CASKIN1: variants seen among roughly 807,000 people sequenced by gnomAD.
CASKIN1 encodes CASK interacting protein 1, also known as caskin-1.
In CASKIN1, 42 loss-of-function variants were observed where a neutral mutation model predicts 117.5. That is an observed-to-expected ratio of 0.36 (90% CI 0.28 to 0.46). The LOEUF (loss-of-function observed/expected upper bound fraction) is 0.46. Among genes scored for constraint, CASKIN1 ranks in the 20% least tolerant of loss-of-function variants. The pLI is 1.00. For missense variants in CASKIN1, 2,083 were observed against 2,077.3 expected (o/e 1.00, Z -0.05); for synonymous variants, 1,148 against 961.7 (o/e 1.19, Z -3.59).
chr16:2,194,018 C>T (rs1189495276), intron 1 of CASKIN1, among the ~76,000 whole-genome samples: 1 of 152,076 alleles, frequency 6.6e-6, no homozygotes, highest in Non-Finnish European at 1.5e-5. Context: ...CCACGAGGTC[C>T]CTAAGCCCTG....
chr16:2,180,270 G>C lies in CASKIN1; in HGVS notation c.3098C>G (p.Ala1033Gly). The change falls in exon 18 of 20, where the codon GCC becomes GGC. Residue 1033 changes from alanine (A) to glycine (G), a missense_variant. Transcript: ENST00000343516. ...PPEGHPTPRP[A>G]SPEPGRVATV... is the part of the protein sequence containing the mutation. ...GGCCACCCGGCCCGGCTCTGGGCTGGCAGGGCGGGGAGTGGGGTGGCCCTC... is the reference window on the plus strand; with the variant it reads ...GGCCACCCGGCCCGGCTCTGGGCTGCCAGGGCGGGGAGTGGGGTGGCCCTC... 6.4e-7 allele frequency: 1 copy of C among 1,562,146 alleles called. No individual in the cohort carries two copies. The highest frequency in any genetic ancestry group is 8.7e-7 in the Non-Finnish European group (1 of 1,155,750).
rs893490490 is a variant in CASKIN1, at chr16:2,182,051, G to A, written c.1630-122C>T. 115 of 1,391,934 alleles carry A rather than the reference G, an allele frequency of 8.3e-5. No homozygotes were observed. The East Asian group carries it at 8.4e-4, about 10-fold the overall frequency. The allele number at this position is 1,391,934 out of a possible 1,614,324, so 86.2% of individuals were successfully genotyped here. A position where few individuals can be genotyped will look rare whatever the true frequency, so the allele number is the denominator to read the frequency against. Reference sequence around the variant, plus strand: ...GGCACAGACAGACAGGAGGACAAACGGATAGGCCGAGGTATTGGCACCAGA... The same window carrying A: ...GGCACAGACAGACAGGAGGACAAACAGATAGGCCGAGGTATTGGCACCAGA... On this transcript the variant is annotated intron_variant, in intron 16 of 19. Transcript: ENST00000343516. This position sits in a 1 kb window ranked among gnomAD's most constrained non-coding sequence, Gnocchi z 4.1.
At chr16:2,181,711 C>T in intron 17 of CASKIN1, 80 bp downstream of exon 17, 1 of 902,258 alleles carries the variant, frequency 1.1e-6, no homozygotes, top group Non-Finnish European at 1.4e-6. Flanking sequence ...TGGGGCGGGG[C>T]TGGGGCTGGG....
chr16:2,188,751 C>A (rs902034511), intron 6 of CASKIN1: 1 of 425,142 alleles, frequency 2.4e-6, no homozygotes, highest in Non-Finnish European at 4.2e-6. Context: ...CCCCACTTTA[C>A]GGATGGGAAA....
chr16:2,192,913 C>T (rs55932224), intron 1 of CASKIN1, among the ~76,000 whole-genome samples: 9,718 of 152,326 alleles, frequency 0.064, 416 homozygotes, highest in Non-Finnish European at 0.084. Flanking sequence ...TCATCCCCCA[C>T]ACTCTGCCTG....
In CASKIN1 at chr16:2,182,779, C is replaced by A. The variant is rs891176513; in HGVS notation, c.1630-850G>T. Among the ~76,000 whole-genome samples the A allele has an allele frequency of 6.6e-6, 1 of 151,952 alleles. No homozygotes were observed. The highest frequency in any genetic ancestry group is 2.4e-5 in the African/African-American group (1 of 41,182). ...CAGGCCCGGAACCCATCCCACTGCA[C>A]AGGCACCTCCCTGTTGTTTTGCTTT... On this transcript the variant is annotated intron_variant, in intron 16 of 19. Coordinates refer to ENST00000343516, the MANE Select transcript of CASKIN1 (RefSeq NM_020764.4). The surrounding 1 kb of genome is among the most constrained non-coding windows in gnomAD (Gnocchi z 4.1).
Position 2,181,456 on chromosome 16 carries a change from C to T in CASKIN1, c.1912G>A (p.Glu638Lys), listed in dbSNP as rs780908631. The T allele has an allele frequency of 3.7e-6, 6 of 1,611,974 alleles. 1 individual carries two copies. In the South Asian group the frequency reaches 4.4e-5, roughly 12 times the overall value. ...VMAIESPPPP[E>K]PTPADCQSPK... Reference sequence around the variant, plus strand: ...GACTGGCAGTCGGCCGGTGTGGGCTCAGGCGGGGGCGGCGACTCGATGGCC... The same window carrying T: ...GACTGGCAGTCGGCCGGTGTGGGCTTAGGCGGGGGCGGCGACTCGATGGCC... Residue 638 changes from glutamate to lysine, a missense_variant, in exon 18 of 20, where the codon GAG becomes AAG. This residue lies in a region of CASKIN1 where 1,818 missense variants were observed against 1,688.9 expected (regional missense o/e 1.08). Transcript: ENST00000343516.
At chr16:2,185,913 G>A (rs375420505) in intron 10 of CASKIN1, among the ~76,000 whole-genome samples, 26 of 152,216 alleles carry the variant, frequency 1.7e-4, no homozygotes, top group Non-Finnish European at 3.1e-4. Context: ...CCCAGCTCTT[G>A]CCTGCCTCAG....
intron 19 of CASKIN1, 84 bp downstream of exon 19, chr16:2,178,816 CTG>C (rs2093154917): frequency 7.5e-7 from 1 of 1,331,234 alleles, no homozygotes; most frequent in African/African-American, 1.7e-5. Context: ...CCGCCCATCT[CTG>C]CCGAGCCCCG....
At chr16:2,194,971 C>G (rs1224156080) in intron 1 of CASKIN1, among the ~76,000 whole-genome samples, 1 of 152,240 alleles carries the variant, frequency 6.6e-6, no homozygotes, top group African/African-American at 2.4e-5. Flanking sequence ...GCTGACATCC[C>G]ATCCTACAGA....
chr16:2,186,493 G>A (rs1262100097), intron 10 of CASKIN1, among the ~76,000 whole-genome samples: 3 of 152,154 alleles, frequency 2.0e-5, no homozygotes, highest in Non-Finnish European at 2.9e-5. Context: ...AACCAGACAT[G>A]GCAGCACACA....
Position 2,177,552 on chromosome 16 carries a change from C to T in CASKIN1, c.*998G>A, listed in dbSNP as rs2093143777. 8.5e-6 allele frequency: 2 copies of T among 234,656 alleles called. No homozygotes were observed. The highest frequency in any genetic ancestry group is 5.6e-5 in the Admixed American group (1 of 17,994). The allele number at this position is 234,656 out of a possible 1,614,324, so 14.5% of individuals were successfully genotyped here. On this transcript the variant is annotated 3_prime_UTR_variant, in exon 20 of 20. Coordinates refer to ENST00000343516, the MANE Select transcript of CASKIN1 (RefSeq NM_020764.4). ...AAAAGGGAGGGCGAGAATGACCACA[C>T]AACACAGCCTTGGACCATGAGCAGA...
In CASKIN1 at chr16:2,189,471, T is replaced by C. The variant is rs1405681475; in HGVS notation, c.338A>G (p.Asp113Gly). 6.2e-7 allele frequency: 1 copy of C among 1,612,162 alleles called. No individual in the cohort carries two copies. Among genetic ancestry groups the C allele is most frequent in the Admixed American group, 1.7e-5 (1 of 59,992 alleles). Residue 113 changes from aspartate (D) to glycine (G), a missense_variant, in exon 4 of 20, where the codon GAT (aspartate) becomes GGT (glycine). Transcript: ENST00000343516. ...KAGSAVNIPSDEGHIPLHLAA... is the reference protein window; with the variant it reads ...KAGSAVNIPSGEGHIPLHLAA... ...CAGGTGCAGGGGGATGTGGCCCTCA[T>C]CAGACGGGATGTTCACGGCCGAGCC...
At position 2,185,425 on chromosome 16, in the gene CASKIN1, GCCT is replaced by G. The variant is rs1034027405; in HGVS notation, c.1049-20_1049-18del. ...CTCGGGAACCTGTGGGTCAAGCAAA[GCCT>G]CCTAAGTCCTGGGCCAGCGATGGCG... On this transcript the variant is annotated intron_variant, in intron 10 of 19. Coordinates refer to ENST00000343516, the MANE Select transcript of CASKIN1 (RefSeq NM_020764.4). 1.9e-6 allele frequency: 3 copies of G among 1,586,236 alleles called. No homozygotes were observed. The African/African-American group carries it at 4.0e-5, about 21-fold the overall frequency.
rs1343564751 is a variant in CASKIN1 at position 2,181,540 on chromosome 16, A to T, written c.1828T>A (p.Tyr610Asn). The T allele has an allele frequency of 6.3e-7, 1 of 1,598,498 alleles. No homozygotes were observed. Among genetic ancestry groups the T allele is most frequent in the Non-Finnish European group, 8.5e-7 (1 of 1,174,374 alleles). ...AGGGGGCCCCCCTCATACTTGGCGTATTCAGCCTTCTGCAGCTCTGCCAGC... is the reference window on the plus strand; with the variant it reads ...AGGGGGCCCCCCTCATACTTGGCGTTTTCAGCCTTCTGCAGCTCTGCCAGC... ...RKLAELQKAE[Y>N]AKYEGGPLRR... The change falls in exon 18 of 20, where the codon TAC (tyrosine) becomes AAC (asparagine). Residue 610 changes from tyrosine (Y) to asparagine (N), a missense_variant. Physicochemically the swap from Tyr to Asn is moderately radical, Grantham distance 143 (BLOSUM62 -2). Transcript: ENST00000343516.
chr16:2,180,378 C>T lies in CASKIN1; in HGVS notation c.2990G>A (p.Ser997Asn), dbSNP rs1182480735. 8.8e-6 allele frequency: 14 copies of T among 1,591,644 alleles called. No homozygotes were observed. The highest frequency in any genetic ancestry group is 1.2e-5 in the Non-Finnish European group (14 of 1,175,786). Residue 997 changes from serine (S) to asparagine (N), a missense_variant, in exon 18 of 20, where the codon AGT becomes AAT. Coordinates refer to ENST00000343516, the MANE Select transcript of CASKIN1 (RefSeq NM_020764.4). ...SDLAGSVDTG[S>N]AGSVKSIAAM... ...CGCGATGCTCTTCACACTGCCGGCA[C>T]TACCCGTGTCCACGCTGCCGGCCAG...
Position 2,182,326 on chromosome 16 carries a change from C to T in CASKIN1, c.1630-397G>A, listed in dbSNP as rs1275844224. Among the ~76,000 whole-genome samples, 1 of 152,124 alleles carries T rather than the reference C, an allele frequency of 6.6e-6. No individual in the cohort carries two copies. The highest frequency in any genetic ancestry group is 1.5e-5 in the Non-Finnish European group (1 of 68,030). On this transcript the variant is annotated intron_variant, in intron 16 of 19. Transcript: ENST00000343516. This position sits in a 1 kb window ranked among gnomAD's most constrained non-coding sequence, Gnocchi z 4.1. Reference sequence around the variant, plus strand: ...ATGATTTGCACGCTGCGCTCCCAGCCGTGCACAGGCACCAGCACCCCATCC... The same window carrying T: ...ATGATTTGCACGCTGCGCTCCCAGCTGTGCACAGGCACCAGCACCCCATCC...
At chr16:2,191,627 G>C (rs561838683) in intron 1 of CASKIN1, among the ~76,000 whole-genome samples, 2 of 152,348 alleles carry the variant, frequency 1.3e-5, no homozygotes, top group South Asian at 4.1e-4. Context: ...CCAGCCAGGG[G>C]TTTCTTCTGG....
Position 2,181,000 on chromosome 16 carries a change from C to A in CASKIN1, c.2368G>T (p.Ala790Ser), listed in dbSNP as rs867722722. 1.3e-6 allele frequency: 2 copies of A among 1,485,012 alleles called. No homozygotes were observed. Among genetic ancestry groups the A allele is most frequent in the South Asian group, 2.8e-5 (2 of 71,390 alleles). 92.0% of individuals were successfully genotyped at this position (1,485,012 alleles called of 1,614,324 possible). ...GCTGGACCATGAGGTCCCCCAAGGG[C>A]CTGGGGAGAGCCTGGTCGGGTTTTG... ...PTKTRPGSPQ[A>S]LGGPHGPAPA... Residue 790 changes from alanine (A) to serine (S), a missense_variant, in exon 18 of 20, where the codon GCC becomes TCC. Ala to Ser is a moderately conservative substitution (Grantham distance 99). Coordinates refer to ENST00000343516, the MANE Select transcript of CASKIN1 (RefSeq NM_020764.4).
Sources: gnomAD v4.1 joint callset for allele counts (sites outside exome capture counted in the v4.1 genomes callset) on GRCh38, gnomAD v4.1.1 for gene constraint, gnomAD v4.1.1 regional missense constraint, Gnocchi (gnomAD v3.1) non-coding constraint, MANE v1.5 for transcripts, NCBI Gene and HGNC (gene_info 2026-07-23, HGNC 2026-07-21) for gene names.